The following ZDHHC11B variants were observed in gnomAD, a reference collection of about 807,000 sequenced individuals.
ZDHHC11B encodes zDHHC palmitoyltransferase 11B (putative).
ZDHHC11B carries 17 observed loss-of-function variants against 42.3 expected under a neutral mutation model. The ratio of observed to expected loss-of-function variants is 0.40; its 90% confidence interval spans 0.27 to 0.60. ZDHHC11B has a LOEUF of 0.60. Among genes scored for constraint, ZDHHC11B ranks in the 20% least tolerant of loss-of-function variants. The pLI, the probability that ZDHHC11B is intolerant of heterozygous loss-of-function variation, is 0.41. For synonymous variants in ZDHHC11B, 123 were observed against 193.5 expected, an observed-to-expected ratio of 0.64 and a Z score of 3.02; for missense variants, 262 against 463.2, an observed-to-expected ratio of 0.57 and a Z score of 3.99.
At chr5:718,583 T>G (rs528983954) in intron 12 of ZDHHC11B, among the ~76,000 whole-genome samples, 1 of 151,078 alleles carries the variant, frequency 6.6e-6, no homozygotes, top group African/African-American at 2.4e-5. Flanking sequence ...GTAGTCCCAG[T>G]TACTCGGGAG....
At chr5:726,181 C>T (rs1168618090) in intron 12 of ZDHHC11B, among the ~76,000 whole-genome samples, 3 of 151,556 alleles carry the variant, frequency 2.0e-5, no homozygotes, top group Non-Finnish European at 4.4e-5. Flanking sequence ...CTGTGATTAG[C>T]AACATCACAC....
Position 766,682 on chromosome 5 carries a change from A to G in ZDHHC11B, c.222+16T>C. ...GAACCCCTCCCGCTTAGACCATGCCACGATGAAAAGGATACCACATAGGCG... is the reference window on the plus strand; with the variant it reads ...GAACCCCTCCCGCTTAGACCATGCCGCGATGAAAAGGATACCACATAGGCG... On this transcript the variant is annotated intron_variant, in intron 4 of 13. Transcript: ENST00000508859. 3 of 1,597,354 alleles carry G rather than the reference A, an allele frequency of 1.9e-6. 1 individual carries two copies. The highest frequency in any genetic ancestry group is 2.2e-5 in the South Asian group (2 of 89,158).
At position 759,770 on chromosome 5, in the gene ZDHHC11B, T is replaced by C. The variant is rs201836824; in HGVS notation, c.223-3626A>G. Among the ~76,000 whole-genome samples the C allele has an allele frequency of 2.6e-5, 4 of 151,932 alleles. No individual in the cohort carries two copies. In the East Asian group the frequency reaches 7.7e-4, roughly 29 times the overall value. On this transcript the variant is annotated intron_variant, in intron 4 of 13. Transcript: ENST00000508859. ...CCACTTTCCACAACACAGCATCCCT[T>C]ACCCTGCACCTGACCTCCCTTGGGG...
rs539824737 is a variant in ZDHHC11B at position 716,150 on chromosome 5, A to G, written c.*7+651T>C. ...TGCAGTCTCATTTTAAGGTACAATCATGTCTCATGTTTCTTAGCTGAGGGG... is the reference window on the plus strand; with the variant it reads ...TGCAGTCTCATTTTAAGGTACAATCGTGTCTCATGTTTCTTAGCTGAGGGG... On this transcript the variant is annotated intron_variant, in intron 13 of 13. Transcript: ENST00000508859. Among the ~76,000 whole-genome samples, 5 of 150,892 alleles carry G rather than the reference A, an allele frequency of 3.3e-5. No homozygotes were observed. The East Asian group carries it at 9.7e-4, about 29-fold the overall frequency.
At chr5:751,045 A>G in intron 7 of ZDHHC11B, 88 bp downstream of exon 7, 1 of 824,520 alleles carries the variant, frequency 1.2e-6, no homozygotes, top group South Asian at 2.2e-5. Context: ...CTGGGACAAG[A>G]GGGGCCGACC....
chr5:775,016 G>T (rs1339010774), intron 1 of ZDHHC11B, among the ~76,000 whole-genome samples: 2 of 151,996 alleles, frequency 1.3e-5, no homozygotes, highest in African/African-American at 4.8e-5. Flanking sequence ...GCAGTGCCGG[G>T]TCAAAGCTGG....
At chr5:759,228 G>GCGCCGCAGCGCCGCA in intron 4 of ZDHHC11B, among the ~76,000 whole-genome samples, 1 of 151,720 alleles carries the variant, frequency 6.6e-6, no homozygotes, top group East Asian at 1.9e-4. Context: ...GTAAATAAAC[G>GCGCCGCAGCGCCGCA]GCGCCGCAGC....
intron 1 of ZDHHC11B, among the ~76,000 whole-genome samples, chr5:780,864 C>G (rs1736908099): frequency 6.6e-6 from 1 of 151,926 alleles, no homozygotes; most frequent in Non-Finnish European, 1.5e-5. Flanking sequence ...CTTGGGCAGC[C>G]TTAGGAGAAG....
At chr5:713,861 A>T (rs1213176303) in intron 13 of ZDHHC11B, among the ~76,000 whole-genome samples, 1 of 149,656 alleles carries the variant, frequency 6.7e-6, no homozygotes. Flanking sequence ...ACTTTAAGAG[A>T]TTACTGATTG....
intron 4 of ZDHHC11B, among the ~76,000 whole-genome samples, chr5:763,909 A>T (rs934801022): frequency 5.9e-5 from 9 of 151,886 alleles, no homozygotes; most frequent in Admixed American, 4.6e-4. Context: ...GATATAAAAC[A>T]AGGTTAGCAA....
intron 13 of ZDHHC11B, among the ~76,000 whole-genome samples, chr5:715,913 G>A (rs1741715329): frequency 6.6e-6 from 1 of 151,352 alleles, no homozygotes. Flanking sequence ...GGATACCAGG[G>A]CTTTTGATGT....
intron 10 of ZDHHC11B, among the ~76,000 whole-genome samples, chr5:736,613 C>G (rs1377339875): frequency 7.0e-6 from 1 of 143,444 alleles, no homozygotes; most frequent in African/African-American, 2.6e-5. Flanking sequence ...AGAATTACAT[C>G]AAGTATCTTT....
intron 1 of ZDHHC11B, 123 bp from the exon 2 acceptor site, chr5:769,053 T>G (rs2150227672): frequency 1.4e-6 from 1 of 699,888 alleles, no homozygotes; most frequent in African/African-American, 1.7e-5. Context: ...GGGGGGATTT[T>G]ATAATGATCA....
chr5:720,258 T>A (rs1328494479), intron 12 of ZDHHC11B, among the ~76,000 whole-genome samples: 1 of 151,772 alleles, frequency 6.6e-6, no homozygotes, highest in Non-Finnish European at 1.5e-5. Flanking sequence ...AACGAGAGAA[T>A]TTTGAAGGCA....
At chr5:777,845 C>A (rs528521360) in intron 1 of ZDHHC11B, among the ~76,000 whole-genome samples, 1 of 151,968 alleles carries the variant, frequency 6.6e-6, no homozygotes, top group Non-Finnish European at 1.5e-5. Context: ...AGCCCTTGGG[C>A]GGTCCATGGG....
intron 4 of ZDHHC11B, among the ~76,000 whole-genome samples, chr5:764,320 G>A (rs1324105100): frequency 6.6e-6 from 1 of 151,774 alleles, no homozygotes; most frequent in Non-Finnish European, 1.5e-5. Context: ...CTGCTGCACT[G>A]TGGGAGTCCC....
chr5:750,314 G>C lies in ZDHHC11B; in HGVS notation c.628+819C>G, dbSNP rs372727. Among the ~76,000 whole-genome samples the C allele has an allele frequency of 4.1e-5, 5 of 122,248 alleles. 1 individual carries two copies. Among genetic ancestry groups the C allele is most frequent in the Non-Finnish European group, 9.0e-5 (5 of 55,434 alleles). The allele number at this position is 122,248 out of a possible 152,430, so 80.2% of individuals were successfully genotyped here. A position where few individuals can be genotyped will look rare whatever the true frequency, so the allele number is the denominator to read the frequency against. On this transcript the variant is annotated intron_variant, in intron 7 of 13. Coordinates refer to ENST00000508859, the MANE Select transcript of ZDHHC11B (RefSeq NM_001351303.2). ...ACGTCCAGCTGCAGGACAGTTGAGC[G>C]CGCTGCCTCCGCAGGGTCCAGGGAG...
Position 767,496 on chromosome 5 carries a change from C to T in ZDHHC11B, c.-105G>A, listed in dbSNP as rs1432582431. 139 of 1,510,812 alleles carry T rather than the reference C, an allele frequency of 9.2e-5. 2 individuals are homozygous for T. The highest frequency in any genetic ancestry group is 2.7e-4 in the African/African-American group (19 of 71,502). 93.6% of individuals were successfully genotyped at this position (1,510,812 alleles called of 1,614,324 possible). A position where few individuals can be genotyped will look rare whatever the true frequency, so the allele number is the denominator to read the frequency against. On this transcript the variant is annotated 5_prime_UTR_variant, in exon 3 of 14. Coordinates refer to ENST00000508859, the MANE Select transcript of ZDHHC11B (RefSeq NM_001351303.2). ...ATGCTGAATTATTCTGCATCGAAAG[C>T]GCAGTAGTGGCACTGGAGAGAAAGG... is the stretch of plus-strand genomic sequence containing the variant.
intron 4 of ZDHHC11B, among the ~76,000 whole-genome samples, chr5:764,017 GGAAA>G (rs1241670990): frequency 5.9e-5 from 9 of 151,956 alleles, no homozygotes; most frequent in Non-Finnish European, 1.2e-4. Context: ...ACAAGTTTCA[GGAAA>G]GAGAGACATG....
Sources: gnomAD v4.1 joint callset for allele counts (sites outside exome capture counted in the v4.1 genomes callset) on GRCh38, gnomAD v4.1.1 for gene constraint, MANE v1.5 for transcripts, NCBI Gene and HGNC (gene_info 2026-07-23, HGNC 2026-07-21) for gene names.